ADGRB3: variants seen among roughly 807,000 people sequenced by gnomAD.
ADGRB3 encodes the protein adhesion G protein-coupled receptor B3, also known as brain-specific angiogenesis inhibitor 3.
ADGRB3 carries 37 observed loss-of-function variants against 193.4 expected under a neutral mutation model. The observed-to-expected ratio is 0.19, with a 90% confidence interval of 0.15 to 0.25. The LOEUF (loss-of-function observed/expected upper bound fraction) is 0.25. ADGRB3 is among the 10% of genes least tolerant of loss of function. ADGRB3 has a pLI of 1.00. For missense variants in ADGRB3, 1,637 were observed against 1,852.9 expected, an observed-to-expected ratio of 0.88 and a Z score of 2.14; for synonymous variants, 690 against 644.2, an observed-to-expected ratio of 1.07 and a Z score of -1.08.
intron 3 of ADGRB3, among the ~76,000 whole-genome samples, chr6:68,915,290 T>A (rs1360345163): frequency 1.9e-5 from 1 of 53,564 alleles, no homozygotes; most frequent in African/African-American, 7.6e-5. Context: ...AGGACCTAAC[T>A]CATCCAGTTA....
intron 20 of ADGRB3, among the ~76,000 whole-genome samples, chr6:69,280,003 G>A (rs976718243): frequency 4.6e-5 from 7 of 152,170 alleles, no homozygotes; most frequent in Non-Finnish European, 1.0e-4. Context: ...GTTGTGAGGC[G>A]TCTGCGCTCC....
intron 3 of ADGRB3, among the ~76,000 whole-genome samples, chr6:68,894,271 A>G (rs1766159811): frequency 6.6e-6 from 1 of 151,932 alleles, no homozygotes. Context: ...ATTTAGAAAA[A>G]GCAAAATGGT....
intron 3 of ADGRB3, among the ~76,000 whole-genome samples, chr6:68,829,853 G>T (rs542512492): frequency 1.3e-5 from 2 of 152,094 alleles, no homozygotes; most frequent in East Asian, 1.9e-4. Flanking sequence ...AATAGAAAAT[G>T]CTCTAAATGG....
chr6:69,295,425 T>G (rs1767792459), intron 20 of ADGRB3, among the ~76,000 whole-genome samples: 1 of 152,096 alleles, frequency 6.6e-6, no homozygotes, highest in Non-Finnish European at 1.5e-5. Context: ...ATATTAAATT[T>G]TCTAACTGCC....
intron 3 of ADGRB3, among the ~76,000 whole-genome samples, chr6:68,929,964 G>A (rs867688040): frequency 6.6e-6 from 1 of 151,664 alleles, no homozygotes; most frequent in Admixed American, 6.6e-5. Flanking sequence ...TAGAAAAGGG[G>A]GGAGGAATTA....
intron 20 of ADGRB3, among the ~76,000 whole-genome samples, chr6:69,240,072 C>T (rs1005270950): frequency 6.6e-5 from 10 of 151,962 alleles, no homozygotes; most frequent in African/African-American, 1.9e-4. Flanking sequence ...TTAAAATAAT[C>T]ATATACACTT....
intron 12 of ADGRB3, 81 bp from the exon 13 acceptor site, chr6:69,018,310 T>C: frequency 3.8e-6 from 3 of 799,844 alleles, no homozygotes; most frequent in African/African-American, 1.7e-5. Context: ...TGTGATTTCA[T>C]GTAGTTTAAA....
chr6:69,350,405 C>T (rs184165236), intron 26 of ADGRB3, among the ~76,000 whole-genome samples: 1 of 151,634 alleles, frequency 6.6e-6, no homozygotes, highest in Admixed American at 6.6e-5. Context: ...GATATTTGAC[C>T]CTCTGCCTAT....
At chr6:69,050,608 G>A (rs532482106) in intron 15 of ADGRB3, among the ~76,000 whole-genome samples, 4 of 152,116 alleles carry the variant, frequency 2.6e-5, no homozygotes, top group African/African-American at 9.6e-5. Flanking sequence ...GTTGAGGAGA[G>A]GTATGCTAAA....
chr6:68,892,364 A>G (rs1766102955), intron 3 of ADGRB3, among the ~76,000 whole-genome samples: 1 of 152,070 alleles, frequency 6.6e-6, no homozygotes, highest in South Asian at 2.1e-4. Context: ...AACAGGCTGA[A>G]CCTTTTCCTG....
chr6:69,135,486 C>A lies in ADGRB3; in HGVS notation c.2480+59448C>A, dbSNP rs550283182. ...TAATTCATCAGAATAAATGTACTGT[C>A]GTAGTAAGCCAGGGAAAAAGCTATA... On this transcript the variant is annotated intron_variant, in intron 17 of 31. Coordinates refer to ENST00000370598, the MANE Select transcript of ADGRB3 (RefSeq NM_001704.3). Among the ~76,000 whole-genome samples, 11 of 151,946 alleles carry A rather than the reference C, an allele frequency of 7.2e-5. No individual in the cohort carries two copies. In the South Asian group the frequency reaches 2.1e-3, roughly 29 times the overall value.
chr6:69,047,533 A>C lies in ADGRB3; in HGVS notation c.2108-652A>C, dbSNP rs868546527. 1.2e-3 allele frequency among the ~76,000 whole-genome samples: 187 copies of C among 151,694 alleles called. 1 individual carries two copies. Among genetic ancestry groups the C allele is most frequent in the African/African-American group, 4.4e-3 (184 of 41,478 alleles). On this transcript the variant is annotated intron_variant, in intron 13 of 31. Transcript: ENST00000370598. ...ATATAATATATATTTATACACACAC[A>C]TTTTTACTTTCAATTTTAGAGAGAA...
chr6:69,241,210 C>G (rs1441602512), intron 20 of ADGRB3, among the ~76,000 whole-genome samples: 1 of 151,652 alleles, frequency 6.6e-6, no homozygotes, highest in Non-Finnish European at 1.5e-5. Context: ...AAATGCAATG[C>G]AAGACACAAA....
At chr6:69,038,844 T>G (rs1770949428) in intron 13 of ADGRB3, among the ~76,000 whole-genome samples, 1 of 152,246 alleles carries the variant, frequency 6.6e-6, no homozygotes, top group Admixed American at 6.5e-5. Flanking sequence ...CAGTAGTTCC[T>G]TCTTATGTAA....
intron 3 of ADGRB3, among the ~76,000 whole-genome samples, chr6:68,861,339 C>T (rs1392556049): frequency 2.6e-5 from 4 of 151,992 alleles, no homozygotes; most frequent in South Asian, 2.1e-4. Context: ...TTTGGGAGGC[C>T]GAGGCAGGCA....
chr6:68,709,291 C>T (rs1765373075), intron 3 of ADGRB3, among the ~76,000 whole-genome samples: 1 of 152,110 alleles, frequency 6.6e-6, no homozygotes. Context: ...AGATGGAGTG[C>T]TGCATACTAA....
At chr6:69,067,310 G>A (rs779876506) in intron 16 of ADGRB3, among the ~76,000 whole-genome samples, 9 of 152,028 alleles carry the variant, frequency 5.9e-5, no homozygotes, top group South Asian at 4.1e-4. Context: ...CCATATTTGC[G>A]TGCATTCTAA....
intron 13 of ADGRB3, among the ~76,000 whole-genome samples, chr6:69,031,107 T>A (rs145235917): frequency 1.3e-5 from 1 of 76,656 alleles, no homozygotes; most frequent in Non-Finnish European, 3.0e-5. Context: ...TTCTCTTCTC[T>A]TCTCTTCTCT....
chr6:68,750,813 TAC>T, intron 3 of ADGRB3, among the ~76,000 whole-genome samples: 1 of 152,342 alleles, frequency 6.6e-6, no homozygotes, highest in African/African-American at 2.4e-5. Flanking sequence ...AACCAAATAT[TAC>T]AGACTTCAGT....
Sources: allele counts gnomAD v4.1 joint callset (sites outside exome capture counted in the v4.1 genomes callset), GRCh38; gene constraint gnomAD v4.1.1; transcripts MANE v1.5; gene names NCBI Gene and HGNC (gene_info 2026-07-23, HGNC 2026-07-21).